YJU2B: variants seen among roughly 807,000 people sequenced by gnomAD.
The protein encoded by YJU2B is YJU2 splicing factor homolog B.
Under a neutral mutation model 38.0 loss-of-function variants are expected in YJU2B, and 18 were observed. The ratio of observed to expected loss-of-function variants is 0.47; its 90% CI spans 0.33 to 0.70. The LOEUF (loss-of-function observed/expected upper bound fraction) is 0.70, where lower values mean the gene tolerates loss of function less well. Ranked by LOEUF, YJU2B falls within the 30% of genes least tolerant of loss-of-function variation. The pLI, the probability that YJU2B is intolerant of heterozygous loss-of-function variation, is 0.02. For synonymous variants in YJU2B, 246 were observed against 225.4 expected, an observed-to-expected ratio of 1.09 and a Z score of -0.82; for missense variants, 538 against 556.3, an observed-to-expected ratio of 0.97 and a Z score of 0.33.
chr19:13,742,743 C>T (rs753016566), intron 2 of YJU2B, among the ~76,000 whole-genome samples: 4 of 152,212 alleles, frequency 2.6e-5, no homozygotes, highest in South Asian at 4.1e-4. Context: ...TTCTCATTCT[C>T]CCCTCTCTAG....
At chr19:13,756,311 G>A (rs751050318) in intron 4 of YJU2B, 32 bp downstream of exon 4, 25 of 1,565,960 alleles carry the variant, frequency 1.6e-5, no homozygotes, top group Admixed American at 3.3e-5. Context: ...GGACCCCACC[G>A]TCCTGCCCCA....
intron 8 of YJU2B, among the ~76,000 whole-genome samples, chr19:13,761,740 TTG>T (rs1973895620): frequency 8.0e-6 from 1 of 125,428 alleles, no homozygotes; most frequent in African/African-American, 3.4e-5. Flanking sequence ...TTTTTTTTTT[TTG>T]AAACAGTCTC....
At chr19:13,752,506 G>C (rs1458162181) in intron 2 of YJU2B, among the ~76,000 whole-genome samples, 1 of 152,122 alleles carries the variant, frequency 6.6e-6, no homozygotes, top group East Asian at 1.9e-4. Context: ...CACTTTGCGA[G>C]GTTGAGCTGG....
At chr19:13,734,011 T>TC (rs1972883899) in intron 2 of YJU2B, among the ~76,000 whole-genome samples, 1 of 152,146 alleles carries the variant, frequency 6.6e-6, no homozygotes, top group African/African-American at 2.4e-5. Context: ...CACTGTAGCC[T>TC]CCAACTCCTG....
chr19:13,759,523 G>A (rs1024247453), intron 8 of YJU2B: 4 of 403,644 alleles, frequency 9.9e-6, no homozygotes, highest in African/African-American at 4.2e-5. Flanking sequence ...AGCACATTGG[G>A]AGGATCGCTT....
intron 9 of YJU2B, 74 bp downstream of exon 9, chr19:13,762,511 G>C: frequency 1.3e-6 from 2 of 1,576,108 alleles, no homozygotes; most frequent in Non-Finnish European, 1.7e-6. Flanking sequence ...CCTCAGCCAT[G>C]AGTGGACTCT....
At chr19:13,747,632 T>C (rs1242184876), upstream of YJU2B, 1 of 152,328 alleles carries the variant, frequency 6.6e-6, no homozygotes, top group Non-Finnish European at 1.5e-5. Flanking sequence ...CACCACACCC[T>C]CGCTGACCGG....
intron 2 of YJU2B, among the ~76,000 whole-genome samples, chr19:13,739,742 A>AT (rs567805074): frequency 1.1e-4 from 17 of 150,822 alleles, no homozygotes; most frequent in South Asian, 6.3e-4. Context: ...ATAAGTTAGA[A>AT]TTTTTTTTTT....
At chr19:13,740,182 C>T (rs1176781621) in intron 2 of YJU2B, among the ~76,000 whole-genome samples, 1 of 152,146 alleles carries the variant, frequency 6.6e-6, no homozygotes, top group Non-Finnish European at 1.5e-5. Context: ...TGGAAGCCAT[C>T]ACTCTCAGCA....
intron 2 of YJU2B, among the ~76,000 whole-genome samples, chr19:13,742,492 C>T (rs1973122083): frequency 6.6e-6 from 1 of 152,046 alleles, no homozygotes; most frequent in Non-Finnish European, 1.5e-5. Flanking sequence ...AATGTCTGTG[C>T]CCTTTCTTTT....
rs752871499 is a variant in YJU2B, at chr19:13,759,097, C to T, written c.401-3C>T. 5 of 1,613,514 alleles carry T rather than the reference C, an allele frequency of 3.1e-6. No homozygotes were observed. Among genetic ancestry groups the T allele is most frequent in the African/African-American group, 2.7e-5 (2 of 74,942 alleles). ...AAGCCCAGCCGAGCTCTGATCGTTGCAGAGCATGAGAAGAAGCAGAAGCTG... is the reference window on the plus strand; with the variant it reads ...AAGCCCAGCCGAGCTCTGATCGTTGTAGAGCATGAGAAGAAGCAGAAGCTG... On this transcript the variant is annotated splice_region_variant and splice_polypyrimidine_tract_variant and intron_variant, in intron 7 of 9. Coordinates refer to ENST00000221554, the MANE Select transcript of YJU2B (RefSeq NM_030818.4).
chr19:13,756,135 C>T, intron 3 of YJU2B, 62 bp from the exon 4 acceptor site: 1 of 1,332,690 alleles, frequency 7.5e-7, no homozygotes, highest in Non-Finnish European at 1.1e-6. Context: ...GTGGGGGTGG[C>T]AGAAAATTGT....
At chr19:13,734,208 G>A (rs576560048) in intron 2 of YJU2B, among the ~76,000 whole-genome samples, 6 of 152,140 alleles carry the variant, frequency 3.9e-5, no homozygotes, top group South Asian at 2.1e-4. Flanking sequence ...GATTACAGGC[G>A]TGAGCCAGCA....
upstream of YJU2B, among the ~76,000 whole-genome samples, chr19:13,746,126 C>A (rs554138576): frequency 2.6e-5 from 4 of 152,056 alleles, no homozygotes; most frequent in Admixed American, 6.6e-5. Context: ...GTGGCGGGCA[C>A]CTGTAGTCCC....
chr19:13,762,864 G>GC lies in YJU2B; in HGVS notation c.990dup (p.Met331HisfsTer12). ...TACCAGAGGAGGCTGCCCAGGACCG[G>GC]CCCATGTCCCCCGGAGACTGTCCTC... On this transcript the variant is annotated frameshift_variant, in exon 10 of 10. Coordinates refer to ENST00000221554, the MANE Select transcript of YJU2B (RefSeq NM_030818.4). LOFTEE classifies it low-confidence loss of function (END_TRUNC). The GC allele has an allele frequency of 6.2e-7, 1 of 1,608,776 alleles. No individual in the cohort carries two copies. The highest frequency in any genetic ancestry group is 8.5e-7 in the Non-Finnish European group (1 of 1,178,336).
At chr19:13,744,308 T>G (rs1973174577), upstream of YJU2B, among the ~76,000 whole-genome samples, 1 of 152,180 alleles carries the variant, frequency 6.6e-6, no homozygotes, top group Admixed American at 6.5e-5. Flanking sequence ...GGGAAGTAAC[T>G]TTCTCCAAGC....
Position 13,759,278 on chromosome 19 carries a change from G to C in YJU2B, c.573+6G>C. The C allele has an allele frequency of 6.3e-7, 1 of 1,597,110 alleles. No individual in the cohort carries two copies. The highest frequency in any genetic ancestry group is 1.3e-5 in the African/African-American group (1 of 74,484). ...TGCTGCGGAGAAGGTTCCGGGTGAG[G>C]GGGGCTCCAGCCCGGGGTCAGAGAG... On this transcript the variant is annotated splice_donor_region_variant and intron_variant, in intron 8 of 9. Coordinates refer to ENST00000221554, the MANE Select transcript of YJU2B (RefSeq NM_030818.4).
chr19:13,745,093 G>C (rs1354840525), upstream of YJU2B, among the ~76,000 whole-genome samples: 2 of 152,102 alleles, frequency 1.3e-5, no homozygotes, highest in East Asian at 3.9e-4. Flanking sequence ...ACAAGGTTTA[G>C]CATGAGCAGT....
intron 2 of YJU2B, chr19:13,732,601 ACTTT>A (rs1353723413): frequency 4.2e-5 from 5 of 118,726 alleles, no homozygotes; most frequent in South Asian, 6.1e-4. Flanking sequence ...AAAAGTGCAT[ACTTT>A]CTTTCTTTTT....
Sources: gnomAD v4.1 joint callset for allele counts (sites outside exome capture counted in the v4.1 genomes callset) on GRCh38, gnomAD v4.1.1 for gene constraint, MANE v1.5 for transcripts, NCBI Gene and HGNC (gene_info 2026-07-23, HGNC 2026-07-21) for gene names.